The following ATP2B1 variants were observed in gnomAD, a reference collection of about 807,000 sequenced individuals.
The protein encoded by ATP2B1 is plasma membrane calcium-transporting ATPase 1.
ATP2B1 carries 14 observed loss-of-function variants against 124.2 expected under a neutral mutation model. The ratio of observed to expected loss-of-function variants is 0.11; its 90% confidence interval spans 0.07 to 0.18. The LOEUF is 0.18. Ranked by LOEUF, ATP2B1 falls within the 10% of genes least tolerant of loss-of-function variation. The probability of loss-of-function intolerance (pLI) is 1.00; values close to 1 mark genes in which losing one functional copy is unlikely to be tolerated. For missense variants in ATP2B1, 763 were observed against 1,466.1 expected, an observed-to-expected ratio of 0.52 and a Z score of 7.83; for synonymous variants, 449 against 492.4, an observed-to-expected ratio of 0.91 and a Z score of 1.17.
chr12:89,693,226 T>C (rs1392782320), intron 1 of ATP2B1, among the ~76,000 whole-genome samples: 1 of 152,146 alleles, frequency 6.6e-6, no homozygotes, highest in Non-Finnish European at 1.5e-5. Flanking sequence ...GAGTCCTATT[T>C]TGTAATATTT....
intron 12 of ATP2B1, among the ~76,000 whole-genome samples, chr12:89,614,290 T>A (rs1193596626): frequency 6.6e-6 from 1 of 152,104 alleles, no homozygotes; most frequent in Admixed American, 6.5e-5. Context: ...CTCCTGCCTG[T>A]GAAAAGCCAC....
chr12:89,686,623 G>A (rs1469930611), intron 1 of ATP2B1, among the ~76,000 whole-genome samples: 1 of 151,978 alleles, frequency 6.6e-6, no homozygotes, highest in Non-Finnish European at 1.5e-5. Flanking sequence ...GAATGTTATG[G>A]CCAACTAATC....
Position 89,625,830 on chromosome 12 carries a change from A to C in ATP2B1, c.1129+624T>G, listed in dbSNP as rs78954972. On this transcript the variant is annotated intron_variant, in intron 8 of 20. Coordinates refer to ENST00000428670, the MANE Select transcript of ATP2B1 (RefSeq NM_001366521.1). ...GCAAAAACGTCACTTTTTCCATCAT[A>C]CTCCTAGAGAGCAGTAAAATGATGC... Among the ~76,000 whole-genome samples, 386 of 152,148 alleles carry C rather than the reference A, an allele frequency of 2.5e-3. 2 individuals are homozygous for C. Among genetic ancestry groups the C allele is most frequent in the African/African-American group, 8.9e-3 (368 of 41,514 alleles).
In ATP2B1 at chr12:89,630,601, C is replaced by T; in HGVS notation, c.832G>A (p.Val278Ile). The change falls in exon 6 of 21, where the codon GTA (valine) becomes ATA (isoleucine). Residue 278 changes from valine (V) to isoleucine (I), a missense_variant. Physicochemically the swap from Val to Ile is conservative, Grantham distance 29. Transcript: ENST00000428670. ...EGSGRMVVTA[V>I]GVNSQTGIIF... ...ATTCCAGTTTGAGAATTTACACCTA[C>T]AGCTGTAACTACCATTCTTCCAGAG... 6.2e-7 allele frequency: 1 copy of T among 1,601,010 alleles called. No individual in the cohort carries two copies. Among genetic ancestry groups the T allele is most frequent in the Non-Finnish European group, 8.5e-7 (1 of 1,173,132 alleles).
intron 2 of ATP2B1, among the ~76,000 whole-genome samples, chr12:89,652,327 A>T (rs1885363280): frequency 6.6e-6 from 1 of 152,208 alleles, no homozygotes; most frequent in African/African-American, 2.4e-5. Flanking sequence ...CCTTCCCAGT[A>T]ACTGCCAGGC....
intron 1 of ATP2B1, among the ~76,000 whole-genome samples, chr12:89,707,749 AATGCGCAC>A (rs1315214063): frequency 6.6e-6 from 1 of 152,134 alleles, no homozygotes; most frequent in Non-Finnish European, 1.5e-5. Flanking sequence ...TGGTGAATGA[AATGCGCAC>A]AGAGACCAAC....
At chr12:89,671,042 T>G (rs1414198515) in intron 1 of ATP2B1, among the ~76,000 whole-genome samples, 2 of 151,914 alleles carry the variant, frequency 1.3e-5, no homozygotes, top group Non-Finnish European at 2.9e-5. Flanking sequence ...AATTAAAATT[T>G]AAAATCATTA....
At chr12:89,624,983 G>A (rs936998286) in intron 8 of ATP2B1, among the ~76,000 whole-genome samples, 6 of 151,960 alleles carry the variant, frequency 3.9e-5, no homozygotes, top group African/African-American at 7.3e-5. Context: ...TAAAAAATAG[G>A]GCAGCTGGCT....
intron 9 of ATP2B1, among the ~76,000 whole-genome samples, chr12:89,622,202 CT>C (rs1452552019): frequency 6.6e-6 from 1 of 151,878 alleles, no homozygotes; most frequent in Non-Finnish European, 1.5e-5. Context: ...ATTAAGCCTC[CT>C]TATTAAGTGG....
chr12:89,642,057 C>T, intron 3 of ATP2B1, 101 bp downstream of exon 3: 11 of 1,199,352 alleles, frequency 9.2e-6, no homozygotes, highest in Non-Finnish European at 1.3e-5. Flanking sequence ...TAGCACATAG[C>T]AAACATCAAT....
At chr12:89,692,970 A>G (rs1370589576) in intron 1 of ATP2B1, among the ~76,000 whole-genome samples, 1 of 152,194 alleles carries the variant, frequency 6.6e-6, no homozygotes, top group Non-Finnish European at 1.5e-5. Flanking sequence ...CCAAGAACCT[A>G]TTGGCCACAC....
chr12:89,682,220 A>C (rs1275952854), intron 1 of ATP2B1, among the ~76,000 whole-genome samples: 2 of 152,150 alleles, frequency 1.3e-5, no homozygotes, highest in South Asian at 2.1e-4. Context: ...AAACACCTGA[A>C]ATATAACATG....
chr12:89,678,887 T>A (rs1889006792), intron 1 of ATP2B1, among the ~76,000 whole-genome samples: 1 of 152,174 alleles, frequency 6.6e-6, no homozygotes, highest in Non-Finnish European at 1.5e-5. Context: ...TCCACAGTGT[T>A]CGTAAAGTTA....
intron 1 of ATP2B1, among the ~76,000 whole-genome samples, chr12:89,688,127 G>A (rs941633836): frequency 1.3e-5 from 2 of 151,994 alleles, no homozygotes; most frequent in Non-Finnish European, 2.9e-5. Flanking sequence ...TCCACACCAA[G>A]GCTCTCAGCA....
intron 6 of ATP2B1, among the ~76,000 whole-genome samples, chr12:89,630,192 T>G (rs1255285698): frequency 6.6e-6 from 1 of 152,222 alleles, no homozygotes; most frequent in South Asian, 2.1e-4. Flanking sequence ...AGAAAGCCAC[T>G]GCTAAAGTAG....
At chr12:89,633,191 T>C (rs956966313) in intron 5 of ATP2B1, among the ~76,000 whole-genome samples, 3 of 152,162 alleles carry the variant, frequency 2.0e-5, no homozygotes, top group African/African-American at 7.2e-5. Flanking sequence ...TATACTTAAA[T>C]ACATTATATT....
At chr12:89,620,353 TATC>T in intron 10 of ATP2B1, 113 bp from the exon 11 acceptor site, 1 of 1,285,872 alleles carries the variant, frequency 7.8e-7, no homozygotes, top group Non-Finnish European at 1.1e-6. Flanking sequence ...AATTGTCTAA[TATC>T]AACATTTTAA....
At chr12:89,600,214 C>T (rs1461238344) in intron 19 of ATP2B1, among the ~76,000 whole-genome samples, 1 of 152,060 alleles carries the variant, frequency 6.6e-6, no homozygotes, top group African/African-American at 2.4e-5. Flanking sequence ...AGAAGAGACA[C>T]AAAGATGTAA....
At position 89,621,549 on chromosome 12, in the gene ATP2B1, C is replaced by T; in HGVS notation, c.1587G>A (p.Leu529=). The change falls in exon 10 of 21, where the codon TTG becomes TTA. Residue 529 remains leucine (L), a splice_region_variant and synonymous_variant. Transcript: ENST00000428670. ...TCATAAATTATTTCAAAAACCTTACCAATATTTTTGATGTATAAGCACAAT... is the reference window on the plus strand; with the variant it reads ...TCATAAATTATTTCAAAAACCTTACTAATATTTTTGATGTATAAGCACAAT... ...SVNCAYTSKI[L]PPEKEGGLPR... 6.5e-7 allele frequency: 1 copy of T among 1,528,892 alleles called. No individual in the cohort carries two copies. The highest frequency in any genetic ancestry group is 8.9e-7 in the Non-Finnish European group (1 of 1,126,818). 94.7% of individuals were successfully genotyped at this position (1,528,892 alleles called of 1,614,324 possible).
Sources: allele counts gnomAD v4.1 joint callset (sites outside exome capture counted in the v4.1 genomes callset), GRCh38; gene constraint gnomAD v4.1.1; transcripts MANE v1.5; gene names NCBI Gene and HGNC (gene_info 2026-07-23, HGNC 2026-07-21).